Variants in RBFOX3 observed in about 807,000 individuals in gnomAD.
RBFOX3 encodes the protein RNA binding fox-1 homolog 3.
Under a neutral mutation model 48.7 loss-of-function variants are expected in RBFOX3, and 17 were observed. The ratio of observed to expected loss-of-function variants is 0.35; its 90% CI spans 0.24 to 0.52. The LOEUF is 0.52. Ranked by LOEUF, RBFOX3 falls within the 20% of genes least tolerant of loss-of-function variation. RBFOX3 has a pLI of 0.94. For synonymous variants in RBFOX3, 212 were observed against 209.5 expected (o/e 1.01, Z -0.10); for missense variants, 382 against 497.5 (o/e 0.77, Z 2.21).
chr17:79,413,098 G>A, intron 2 of RBFOX3, among the ~76,000 whole-genome samples: 1 of 152,140 alleles, frequency 6.6e-6, no homozygotes, highest in East Asian at 1.9e-4. Context: ...GCAGGGAGGG[G>A]GAAAGGGGGA....
intron 2 of RBFOX3, among the ~76,000 whole-genome samples, chr17:79,383,557 TA>T (rs1019852705): frequency 3.3e-5 from 5 of 151,070 alleles, no homozygotes; most frequent in East Asian, 1.9e-4. Flanking sequence ...CCTGGAGGAG[TA>T]CCCCCCCGAT....
the RBFOX3 span, among the ~76,000 whole-genome samples, chr17:79,620,104 C>G: frequency 7.4e-6 from 1 of 134,698 alleles, no homozygotes; most frequent in East Asian, 2.0e-4. Context: ...CACATGTGTG[C>G]ATGCACGCAT....
At chr17:79,236,279 G>A (rs1371740560) in intron 3 of RBFOX3, among the ~76,000 whole-genome samples, 1 of 152,010 alleles carries the variant, frequency 6.6e-6, no homozygotes, top group Non-Finnish European at 1.5e-5. Flanking sequence ...TGTGGTCATG[G>A]CATGCACATT....
At chr17:79,388,071 T>C (rs36023425) in intron 2 of RBFOX3, among the ~76,000 whole-genome samples, 86,517 of 151,570 alleles carry the variant, frequency 0.57, 24,825 homozygotes, top group South Asian at 0.66. Context: ...GTGCAGTGTG[T>C]GTGCCTACGT....
chr17:79,216,798 G>A (rs958627599), intron 4 of RBFOX3, among the ~76,000 whole-genome samples: 3 of 151,734 alleles, frequency 2.0e-5, no homozygotes, highest in Non-Finnish European at 1.5e-5. Flanking sequence ...GAGGCTCAGA[G>A]AGACTTGGTG....
chr17:79,236,446 G>A (rs993629238), intron 3 of RBFOX3, among the ~76,000 whole-genome samples: 6 of 151,996 alleles, frequency 3.9e-5, no homozygotes, highest in Admixed American at 3.9e-4. Context: ...GTGCCACCCC[G>A]CCCAGCTAAT....
At chr17:79,537,504 G>T (rs1318015037) in intron 1 of RBFOX3, among the ~76,000 whole-genome samples, 1 of 152,154 alleles carries the variant, frequency 6.6e-6, no homozygotes, top group African/African-American at 2.4e-5. Flanking sequence ...GCAACAGTGG[G>T]TGTCCCCTGC....
chr17:79,356,617 C>T (rs1300717801), intron 2 of RBFOX3, among the ~76,000 whole-genome samples: 1 of 151,832 alleles, frequency 6.6e-6, no homozygotes, highest in African/African-American at 2.4e-5. Context: ...GACCCACCCA[C>T]CTTGGCCTCC....
At chr17:79,310,436 C>T (rs1046011160) in intron 2 of RBFOX3, among the ~76,000 whole-genome samples, 10 of 152,170 alleles carry the variant, frequency 6.6e-5, no homozygotes, top group Non-Finnish European at 1.3e-4. Context: ...TGTCACCAAG[C>T]TCGAGGTTCC....
rs146299720 is a variant in RBFOX3, at chr17:79,344,147, T to G, written c.-174-36323A>C. 3.6e-3 allele frequency among the ~76,000 whole-genome samples: 549 copies of G among 152,340 alleles called. 1 individual carries two copies. Among genetic ancestry groups the G allele is most frequent in the African/African-American group, 0.012 (511 of 41,588 alleles). ...GGGATGGATGATTTGAGAATCAGGATGCTCATACACAGCTAGGGTTCTATG... is the reference window on the plus strand; with the variant it reads ...GGGATGGATGATTTGAGAATCAGGAGGCTCATACACAGCTAGGGTTCTATG... On this transcript the variant is annotated intron_variant, in intron 2 of 14. Coordinates refer to ENST00000693108, the MANE Select transcript of RBFOX3 (RefSeq NM_001350451.2).
intron 2 of RBFOX3, among the ~76,000 whole-genome samples, chr17:79,452,175 G>A (rs1289263492): frequency 1.3e-5 from 2 of 152,206 alleles, no homozygotes; most frequent in African/African-American, 4.8e-5. Flanking sequence ...CTGTGATCTG[G>A]CAGGAACATG....
chr17:79,482,152 G>C lies in RBFOX3; in HGVS notation c.-175+302C>G, dbSNP rs1264830870. 1.3e-5 allele frequency among the ~76,000 whole-genome samples: 2 copies of C among 152,152 alleles called. No individual in the cohort carries two copies. The highest frequency in any genetic ancestry group is 2.9e-5 in the Non-Finnish European group (2 of 68,022). ...ATGGCATCTTTGTTGACACCAGACAGTGGACCCCACACCCCGCCCACCCTC... is the reference window on the plus strand; with the variant it reads ...ATGGCATCTTTGTTGACACCAGACACTGGACCCCACACCCCGCCCACCCTC... On this transcript the variant is annotated intron_variant, in intron 2 of 14. Coordinates refer to ENST00000693108, the MANE Select transcript of RBFOX3 (RefSeq NM_001350451.2). The surrounding 1 kb of genome is among the most constrained non-coding windows in gnomAD (Gnocchi z 4.1).
intron 2 of RBFOX3, among the ~76,000 whole-genome samples, chr17:79,459,218 G>T (rs889358785): frequency 6.6e-6 from 1 of 152,190 alleles, no homozygotes; most frequent in Non-Finnish European, 1.5e-5. Context: ...CAGCAATGCC[G>T]CAGCGTCACC....
At chr17:79,269,392 C>T (rs2067274149) in intron 3 of RBFOX3, among the ~76,000 whole-genome samples, 1 of 152,154 alleles carries the variant, frequency 6.6e-6, no homozygotes, top group South Asian at 2.1e-4. Context: ...GACGCCAGGA[C>T]TCAACCATCC....
chr17:79,387,503 G>T (rs1231064025), intron 2 of RBFOX3, among the ~76,000 whole-genome samples: 1 of 152,182 alleles, frequency 6.6e-6, no homozygotes, highest in Non-Finnish European at 1.5e-5. Context: ...GGGCCCACAG[G>T]GTCCCACCGT....
intron 4 of RBFOX3, among the ~76,000 whole-genome samples, chr17:79,168,505 G>A (rs932488573): frequency 1.3e-5 from 2 of 152,204 alleles, no homozygotes; most frequent in African/African-American, 4.8e-5. Context: ...TTGGCCCCAC[G>A]GCCGCCCTAT....
At chr17:79,276,555 G>T (rs968024452) in intron 3 of RBFOX3, among the ~76,000 whole-genome samples, 1 of 151,984 alleles carries the variant, frequency 6.6e-6, no homozygotes, top group Non-Finnish European at 1.5e-5. Context: ...TCTGGTGGTG[G>T]GCGCCTGTAA....
rs79640756 is a variant in RBFOX3, at chr17:79,368,518, C to T, written c.-174-60694G>A. Reference sequence around the variant, plus strand: ...TCAGTCGTGGGTTCCACCGGTTCCCCGCACCTGCTGCCTTGGTCTCAGTTC... The same window carrying T: ...TCAGTCGTGGGTTCCACCGGTTCCCTGCACCTGCTGCCTTGGTCTCAGTTC... On this transcript the variant is annotated intron_variant, in intron 2 of 14. Coordinates refer to ENST00000693108, the MANE Select transcript of RBFOX3 (RefSeq NM_001350451.2). Among the ~76,000 whole-genome samples the T allele has an allele frequency of 7.3e-3, 1,105 of 152,356 alleles. 13 individuals carry two copies. The highest frequency in any genetic ancestry group is 0.025 in the African/African-American group (1,040 of 41,578).
chr17:79,534,141 G>A (rs961802608), intron 1 of RBFOX3, among the ~76,000 whole-genome samples: 4 of 152,134 alleles, frequency 2.6e-5, no homozygotes, highest in East Asian at 1.9e-4. Flanking sequence ...ATAAGAAAAC[G>A]CCCTTTGTAA....
Sources: allele counts gnomAD v4.1 joint callset (sites outside exome capture counted in the v4.1 genomes callset), GRCh38; gene constraint gnomAD v4.1.1; non-coding constraint Gnocchi (gnomAD v3.1); transcripts MANE v1.5; gene names NCBI Gene and HGNC (gene_info 2026-07-23, HGNC 2026-07-21).